TSHZ2: variants seen among roughly 807,000 people sequenced by gnomAD.
TSHZ2 encodes the protein teashirt zinc finger homeobox 2.
In TSHZ2, 21 loss-of-function variants were observed where a neutral mutation model predicts 74.4. The ratio of observed to expected loss-of-function variants is 0.28; its 90% CI spans 0.20 to 0.41. TSHZ2 has a LOEUF of 0.41. Among genes scored for constraint, TSHZ2 ranks in the 10% least tolerant of loss-of-function variants. The probability of loss-of-function intolerance (pLI) is 1.00; values close to 1 mark genes in which losing one functional copy is unlikely to be tolerated. For synonymous variants in TSHZ2, 540 were observed against 515.3 expected (o/e 1.05, Z -0.65); for missense variants, 1,244 against 1,293.5 (o/e 0.96, Z 0.59).
At chr20:53,257,731 T>G (rs1016430048) in intron 2 of TSHZ2, among the ~76,000 whole-genome samples, 11 of 152,236 alleles carry the variant, frequency 7.2e-5, no homozygotes, top group African/African-American at 2.7e-4. Context: ...GAACCCAACC[T>G]GAACTAAACC....
intron 1 of TSHZ2, among the ~76,000 whole-genome samples, chr20:53,046,415 A>C (rs1984230651): frequency 6.6e-6 from 1 of 152,092 alleles, no homozygotes; most frequent in African/African-American, 2.4e-5. Flanking sequence ...GAATGCCAGG[A>C]TTTGTATTTT....
chr20:53,216,053 C>T (rs1600746625), intron 1 of TSHZ2, among the ~76,000 whole-genome samples: 1 of 152,106 alleles, frequency 6.6e-6, no homozygotes, highest in African/African-American at 2.4e-5. Context: ...AGACCTTCTT[C>T]CCCAGTCAAA....
chr20:53,056,146 T>G (rs1167770861), intron 1 of TSHZ2, among the ~76,000 whole-genome samples: 1 of 152,222 alleles, frequency 6.6e-6, no homozygotes. Flanking sequence ...ACACAATATA[T>G]TTTGGTTGCG....
intron 2 of TSHZ2, among the ~76,000 whole-genome samples, chr20:53,351,139 G>A (rs1980630418): frequency 6.6e-6 from 1 of 152,198 alleles, no homozygotes; most frequent in African/African-American, 2.4e-5. Context: ...AATTGGACGA[G>A]ACTAACTTTC....
intron 2 of TSHZ2, among the ~76,000 whole-genome samples, chr20:53,396,005 G>T (rs867053613): frequency 6.6e-6 from 1 of 152,120 alleles, no homozygotes; most frequent in African/African-American, 2.4e-5. Context: ...GCGCGATCTC[G>T]GCTCACTGCA....
chr20:53,388,765 G>T (rs929422502), intron 2 of TSHZ2, among the ~76,000 whole-genome samples: 6 of 151,910 alleles, frequency 3.9e-5, no homozygotes, highest in African/African-American at 1.5e-4. Flanking sequence ...ATTTTTAGTA[G>T]AGATGGGGTT....
intron 2 of TSHZ2, among the ~76,000 whole-genome samples, chr20:53,389,157 T>A (rs1982161795): frequency 6.6e-6 from 1 of 152,228 alleles, no homozygotes; most frequent in Admixed American, 6.5e-5. Flanking sequence ...AACCCAAACA[T>A]CTACAGATAG....
At chr20:53,415,068 G>A (rs1048942623) in intron 2 of TSHZ2, among the ~76,000 whole-genome samples, 31 of 152,142 alleles carry the variant, frequency 2.0e-4, no homozygotes, top group Non-Finnish European at 3.4e-4. Flanking sequence ...TACAAAGGTG[G>A]CAGCGAATCA....
chr20:53,129,884 A>G (rs1987055080), intron 1 of TSHZ2, among the ~76,000 whole-genome samples: 1 of 151,792 alleles, frequency 6.6e-6, no homozygotes, highest in Admixed American at 6.6e-5. Context: ...CTGATTCACC[A>G]GGTCCTGCTT....
intron 1 of TSHZ2, among the ~76,000 whole-genome samples, chr20:53,009,555 A>G (rs1453048808): frequency 6.6e-6 from 1 of 152,214 alleles, no homozygotes; most frequent in Admixed American, 6.5e-5. Flanking sequence ...ATATTTTTGA[A>G]CCATAGTTGA....
intron 1 of TSHZ2, among the ~76,000 whole-genome samples, chr20:53,168,003 G>A (rs377079917): frequency 6.6e-6 from 1 of 152,104 alleles, no homozygotes; most frequent in Non-Finnish European, 1.5e-5. Flanking sequence ...GGCAATAGTC[G>A]CCTTGCCAGT....
chr20:53,246,906 G>A (rs963309348), intron 1 of TSHZ2, among the ~76,000 whole-genome samples: 9 of 152,090 alleles, frequency 5.9e-5, no homozygotes, highest in Non-Finnish European at 8.8e-5. Context: ...ATGCAAGCGC[G>A]GTACATGTAA....
chr20:53,010,227 C>T (rs1982800543), intron 1 of TSHZ2, among the ~76,000 whole-genome samples: 1 of 152,176 alleles, frequency 6.6e-6, no homozygotes, highest in African/African-American at 2.4e-5. Context: ...AGGATGGTTA[C>T]ACACGTCGAA....
intron 2 of TSHZ2, among the ~76,000 whole-genome samples, chr20:53,324,341 C>A (rs558084670): frequency 6.6e-6 from 1 of 152,156 alleles, no homozygotes; most frequent in Admixed American, 6.5e-5. Flanking sequence ...GAGAAGGAGG[C>A]AGTTTCCTTT....
intron 2 of TSHZ2, among the ~76,000 whole-genome samples, chr20:53,274,476 A>G (rs150652061): frequency 3.3e-5 from 5 of 152,312 alleles, no homozygotes; most frequent in Admixed American, 3.3e-4. Flanking sequence ...GAGAGATGAC[A>G]TGGAGGAACA....
At chr20:53,387,240 A>G (rs1827244434) in intron 2 of TSHZ2, among the ~76,000 whole-genome samples, 2 of 152,242 alleles carry the variant, frequency 1.3e-5, no homozygotes, top group African/African-American at 2.4e-5. Flanking sequence ...ACTGTATGCA[A>G]TGTAGAAAAC....
At chr20:52,997,206 G>A (rs1982232383) in intron 1 of TSHZ2, among the ~76,000 whole-genome samples, 1 of 152,090 alleles carries the variant, frequency 6.6e-6, no homozygotes, top group East Asian at 1.9e-4. Flanking sequence ...TATCACCAAA[G>A]GAGAACTCGC....
intron 1 of TSHZ2, among the ~76,000 whole-genome samples, chr20:53,161,606 AAG>A (rs757329144): frequency 6.6e-6 from 1 of 152,174 alleles, no homozygotes; most frequent in Non-Finnish European, 1.5e-5. Context: ...GCAGCAGGAA[AAG>A]AGAGTACAAG....
intron 1 of TSHZ2, chr20:53,206,618 A>C (rs1479068853): frequency 6.6e-6 from 1 of 152,190 alleles, no homozygotes; most frequent in Non-Finnish European, 1.5e-5. Context: ...GAATGTAAAA[A>C]CATTTGAAGA....
Sources: allele counts gnomAD v4.1 joint callset (sites outside exome capture counted in the v4.1 genomes callset), GRCh38; gene constraint gnomAD v4.1.1; transcripts MANE v1.5; gene names NCBI Gene and HGNC (gene_info 2026-07-23, HGNC 2026-07-21).